The following GRAMD2B variants were observed in gnomAD, a reference collection of about 807,000 sequenced individuals.
GRAMD2B encodes GRAM domain containing 2B.
GRAMD2B carries 41 observed loss-of-function variants against 59.2 expected under a neutral mutation model. The observed-to-expected ratio is 0.69, with a 90% confidence interval of 0.54 to 0.90. GRAMD2B has a LOEUF of 0.90. Among genes scored for constraint, GRAMD2B ranks in the 40% least tolerant of loss-of-function variants. The probability of loss-of-function intolerance (pLI) is 0.00; values close to 1 mark genes in which losing one functional copy is unlikely to be tolerated. For missense variants in GRAMD2B, 424 were observed against 500.5 expected, an observed-to-expected ratio of 0.85 and a Z score of 1.46; for synonymous variants, 161 against 182.7, an observed-to-expected ratio of 0.88 and a Z score of 0.96.
chr5:126,408,989 T>C (rs1561487539), intron 1 of GRAMD2B, among the ~76,000 whole-genome samples: 1 of 151,616 alleles, frequency 6.6e-6, no homozygotes, highest in Non-Finnish European at 1.5e-5. Flanking sequence ...GATTTCCAAT[T>C]TCATCCATGT....
At chr5:126,401,636 C>T (rs1472278778) in intron 1 of GRAMD2B, among the ~76,000 whole-genome samples, 1 of 151,998 alleles carries the variant, frequency 6.6e-6, no homozygotes, top group Non-Finnish European at 1.5e-5. Flanking sequence ...TAGAAATTTG[C>T]AGGGCCTCTT....
chr5:126,368,292 C>A (rs1311902594), upstream of GRAMD2B, among the ~76,000 whole-genome samples: 1 of 152,202 alleles, frequency 6.6e-6, no homozygotes, highest in Non-Finnish European at 1.5e-5. Context: ...AGGGCTTGGG[C>A]AGAGGCCATG....
At chr5:126,360,385 C>T (rs781631125) in exon 1 of GRAMD2B, 6 of 1,551,356 alleles carry the variant, frequency 3.9e-6, no homozygotes, top group Non-Finnish European at 5.2e-6. Context: ...AGCAAACATT[C>T]CAAGCACAGC....
At chr5:126,468,590 C>T (rs951083336) in intron 2 of GRAMD2B, among the ~76,000 whole-genome samples, 1 of 152,054 alleles carries the variant, frequency 6.6e-6, no homozygotes, top group Non-Finnish European at 1.5e-5. Flanking sequence ...CGGGTTCAAG[C>T]GATTCTTCTG....
chr5:126,368,539 T>C (rs1465594934), upstream of GRAMD2B, among the ~76,000 whole-genome samples: 1 of 152,202 alleles, frequency 6.6e-6, no homozygotes, highest in Non-Finnish European at 1.5e-5. Context: ...CCCAGCTGGC[T>C]CCAGCCCTCA....
intron 1 of GRAMD2B, among the ~76,000 whole-genome samples, chr5:126,387,344 C>G (rs951867032): frequency 1.1e-4 from 16 of 151,020 alleles, no homozygotes; most frequent in Admixed American, 2.0e-4. Flanking sequence ...AACTTTTTTT[C>G]CCAACATTGC....
chr5:126,423,235 T>C, upstream of GRAMD2B: 2 of 1,076,028 alleles, frequency 1.9e-6, no homozygotes, highest in Non-Finnish European at 2.3e-6. Flanking sequence ...AAACAGATTG[T>C]GCCTTCTTAG....
In GRAMD2B at chr5:126,391,193, G is replaced by A. The variant is rs552392568; in HGVS notation, c.125+19626G>A. 7.9e-5 allele frequency among the ~76,000 whole-genome samples: 12 copies of A among 151,624 alleles called. No homozygotes were observed. In the East Asian group the frequency reaches 1.6e-3, roughly 20 times the overall value. On this transcript the variant is annotated intron_variant, in intron 1 of 8. Coordinates refer to the GRAMD2B transcript ENST00000506445. ...CCATTTCTAGTAAAAATACAAAAAT[G>A]AGCCAGGCGTAATGGCACACACCTG...
At chr5:126,431,680 G>C (rs1761588622) in intron 1 of GRAMD2B, among the ~76,000 whole-genome samples, 1 of 152,152 alleles carries the variant, frequency 6.6e-6, no homozygotes, top group Non-Finnish European at 1.5e-5. Context: ...GAAATGTGAA[G>C]TTGGAGAAAG....
At chr5:126,376,025 C>A (rs533505628) in intron 1 of GRAMD2B, among the ~76,000 whole-genome samples, 79 of 152,258 alleles carry the variant, frequency 5.2e-4, no homozygotes, top group African/African-American at 1.9e-3. Context: ...ATTGCTGTAA[C>A]GTCTATAGGT....
intron 10 of GRAMD2B, among the ~76,000 whole-genome samples, chr5:126,485,039 G>C (rs1444097401): frequency 6.6e-6 from 1 of 152,118 alleles, no homozygotes. Flanking sequence ...AGCCTTCATG[G>C]AGGTCACTTC....
chr5:126,412,143 T>A (rs1758861718), intron 1 of GRAMD2B, among the ~76,000 whole-genome samples: 1 of 152,094 alleles, frequency 6.6e-6, no homozygotes, highest in Non-Finnish European at 1.5e-5. Context: ...CTTCCAGAAC[T>A]ATGTTGAATA....
At chr5:126,388,143 C>T (rs1032022348) in intron 1 of GRAMD2B, among the ~76,000 whole-genome samples, 4 of 152,020 alleles carry the variant, frequency 2.6e-5, no homozygotes, top group Non-Finnish European at 5.9e-5. Flanking sequence ...GAGGCCAAGG[C>T]GGGTGATTCA....
In GRAMD2B at chr5:126,465,412, C is replaced by A. The variant is rs748662833; in HGVS notation, c.84-14C>A. ...CTGAATGTCTAAAGTGAAGCGGTTT[C>A]CTTTCTTCTTCAGCTCAGAGGCTGA... On this transcript the variant is annotated splice_polypyrimidine_tract_variant and intron_variant, in intron 1 of 13. Transcript: ENST00000285689. 1 of 1,613,998 alleles carries A rather than the reference C, an allele frequency of 6.2e-7. No homozygotes were observed. The highest frequency in any genetic ancestry group is 1.3e-5 in the African/African-American group (1 of 75,010).
At chr5:126,464,663 A>G (rs947721377) in intron 1 of GRAMD2B, among the ~76,000 whole-genome samples, 1 of 152,156 alleles carries the variant, frequency 6.6e-6, no homozygotes, top group African/African-American at 2.4e-5. Flanking sequence ...AGTCAACACT[A>G]TCCTAGACCC....
intron 1 of GRAMD2B, among the ~76,000 whole-genome samples, chr5:126,449,876 T>C (rs369271267): frequency 6.6e-6 from 1 of 152,174 alleles, no homozygotes; most frequent in South Asian, 2.1e-4. Context: ...TCCTCATATG[T>C]GTGTGGCTCT....
At chr5:126,455,569 C>T (rs1449795498) in intron 1 of GRAMD2B, among the ~76,000 whole-genome samples, 1 of 152,198 alleles carries the variant, frequency 6.6e-6, no homozygotes, top group Non-Finnish European at 1.5e-5. Context: ...AATCTCAATC[C>T]TTCCACAATA....
At chr5:126,397,330 T>C (rs539135469) in intron 1 of GRAMD2B, among the ~76,000 whole-genome samples, 3 of 152,292 alleles carry the variant, frequency 2.0e-5, no homozygotes, top group African/African-American at 2.4e-5. Flanking sequence ...GCTCAAGCCA[T>C]GCTCCCATCT....
At chr5:126,490,708 C>CGGTGAAA (rs1773773712) in intron 13 of GRAMD2B, among the ~76,000 whole-genome samples, 1 of 152,198 alleles carries the variant, frequency 6.6e-6, no homozygotes, top group Non-Finnish European at 1.5e-5. Context: ...CACAGCCTGC[C>CGGTGAAA]GGTGAAATAG....
Sources: gnomAD v4.1 joint callset for allele counts (sites outside exome capture counted in the v4.1 genomes callset) on GRCh38, gnomAD v4.1.1 for gene constraint, MANE v1.5 for transcripts, NCBI Gene and HGNC (gene_info 2026-07-23, HGNC 2026-07-21) for gene names.